The following RANBP2 variants were observed in gnomAD, a reference collection of about 807,000 sequenced individuals.
RANBP2 encodes the protein RAN binding protein 2, also known as E3 SUMO-protein ligase RanBP2.
Under a neutral mutation model 303.6 loss-of-function variants are expected in RANBP2, and 57 were observed. That is an observed-to-expected ratio of 0.19 (90% CI 0.15 to 0.23). RANBP2 has a LOEUF of 0.23. Ranked by LOEUF, RANBP2 falls within the 10% of genes least tolerant of loss-of-function variation. RANBP2 has a pLI of 1.00. For missense variants in RANBP2, 3,138 were observed against 3,780.8 expected (o/e 0.83, Z 4.46); for synonymous variants, 1,167 against 1,301.5 (o/e 0.90, Z 2.23).
At chr2:109,634,224 A>G in the RANBP2 span, among the ~76,000 whole-genome samples, 1 of 152,106 alleles carries the variant, frequency 6.6e-6, no homozygotes, top group East Asian at 1.9e-4. Context: ...AGTTGATGAA[A>G]AATACCAGTC....
the RANBP2 span, among the ~76,000 whole-genome samples, chr2:109,457,607 C>T: frequency 1.4e-4 from 21 of 152,214 alleles, no homozygotes; most frequent in Non-Finnish European, 2.9e-4. Context: ...CTGGGGCGAG[C>T]GATGCACACA....
chr2:108,998,077 T>C, the RANBP2 span, among the ~76,000 whole-genome samples: 1 of 152,198 alleles, frequency 6.6e-6, no homozygotes, highest in East Asian at 1.9e-4. Context: ...CTACCGGAAC[T>C]GTTGCTCTCC....
chr2:109,113,009 C>A, the RANBP2 span, among the ~76,000 whole-genome samples: 1 of 152,240 alleles, frequency 6.6e-6, no homozygotes, highest in South Asian at 2.1e-4. Flanking sequence ...GTTTTGGTAC[C>A]AGTACCATGC....
chr2:109,142,046 G>C, the RANBP2 span, among the ~76,000 whole-genome samples: 17 of 151,580 alleles, frequency 1.1e-4, no homozygotes, highest in East Asian at 1.2e-3. Flanking sequence ...AGTCTCCTGG[G>C]GGGGGGGTCT....
At chr2:109,513,858 A>T in the RANBP2 span, among the ~76,000 whole-genome samples, 3 of 152,238 alleles carry the variant, frequency 2.0e-5, no homozygotes, top group African/African-American at 7.2e-5. Context: ...GCCACATTCT[A>T]ACTTCAGCAT....
the RANBP2 span, among the ~76,000 whole-genome samples, chr2:108,994,999 T>C: frequency 6.6e-6 from 1 of 151,722 alleles, no homozygotes; most frequent in South Asian, 2.1e-4. Context: ...CTGGCTAATT[T>C]TTTTGTATTT....
chr2:108,828,352 A>G, the RANBP2 span, among the ~76,000 whole-genome samples: 1 of 152,224 alleles, frequency 6.6e-6, no homozygotes, highest in Non-Finnish European at 1.5e-5. Flanking sequence ...AAAGAATACT[A>G]CTTATCCTAA....
the RANBP2 span, among the ~76,000 whole-genome samples, chr2:109,577,632 C>T: frequency 4.0e-5 from 6 of 150,140 alleles, no homozygotes; most frequent in Admixed American, 1.3e-4. Context: ...AGAGAGAACT[C>T]GGTCGGATAG....
the RANBP2 span, among the ~76,000 whole-genome samples, chr2:109,506,214 G>T: frequency 6.6e-6 from 1 of 152,326 alleles, no homozygotes; most frequent in East Asian, 1.9e-4. Flanking sequence ...AGTCCCTGTG[G>T]GTTTTGTGAT....
At chr2:109,260,394 G>A in the RANBP2 span, among the ~76,000 whole-genome samples, 1 of 152,232 alleles carries the variant, frequency 6.6e-6, no homozygotes, top group Admixed American at 6.5e-5. Flanking sequence ...AACCACCAAA[G>A]CAGGAGAGCA....
chr2:108,904,297 CAT>C, the RANBP2 span, among the ~76,000 whole-genome samples: 5 of 152,192 alleles, frequency 3.3e-5, no homozygotes, highest in African/African-American at 1.2e-4. Context: ...TAAAACAAAA[CAT>C]AGTAACACCA....
chr2:108,888,122 C>G, the RANBP2 span, among the ~76,000 whole-genome samples: 2 of 152,104 alleles, frequency 1.3e-5, no homozygotes, highest in Non-Finnish European at 2.9e-5. Context: ...TTGAGATGAT[C>G]ATATGGTTTT....
At chr2:108,802,841 G>C in the RANBP2 span, among the ~76,000 whole-genome samples, 13 of 152,168 alleles carry the variant, frequency 8.5e-5, no homozygotes, top group African/African-American at 2.4e-4. Context: ...CAGCATGAAG[G>C]GTTGTTGAAT....
the RANBP2 span, among the ~76,000 whole-genome samples, chr2:109,258,588 G>A: frequency 4.6e-5 from 7 of 152,192 alleles, no homozygotes; most frequent in South Asian, 1.0e-3. Context: ...CAGTCATCCC[G>A]CAATTCCCCA....
the RANBP2 span, chr2:108,873,435 T>C: frequency 5.7e-6 from 9 of 1,572,834 alleles, no homozygotes; most frequent in Non-Finnish European, 7.7e-6. Context: ...TAAAGCACTG[T>C]TGATTTGTTT....
At chr2:109,350,566 T>C in the RANBP2 span, among the ~76,000 whole-genome samples, 1 of 152,212 alleles carries the variant, frequency 6.6e-6, no homozygotes, top group Non-Finnish European at 1.5e-5. Context: ...CTACCTGTTC[T>C]GTCCTGTTGC....
the RANBP2 span, among the ~76,000 whole-genome samples, chr2:109,260,552 C>A: frequency 6.6e-6 from 1 of 152,314 alleles, no homozygotes; most frequent in African/African-American, 2.4e-5. Flanking sequence ...CACAGGGACA[C>A]CTTGGTCATA....
the RANBP2 span, among the ~76,000 whole-genome samples, chr2:109,057,952 T>A: frequency 6.6e-6 from 1 of 152,208 alleles, no homozygotes; most frequent in South Asian, 2.1e-4. Context: ...TTATGCTGAT[T>A]AAGCGCTTAT....
the RANBP2 span, among the ~76,000 whole-genome samples, chr2:109,692,607 C>T: frequency 1.3e-4 from 20 of 152,180 alleles, 1 homozygote; most frequent in African/African-American, 4.6e-4. Flanking sequence ...TGGGAGAAAG[C>T]GAGGAAGCCT....
Sources: gnomAD v4.1 joint callset for allele counts (sites outside exome capture counted in the v4.1 genomes callset) on GRCh38, gnomAD v4.1.1 for gene constraint, MANE v1.5 for transcripts, NCBI Gene and HGNC (gene_info 2026-07-23, HGNC 2026-07-21) for gene names.